Variants in ACSL6 observed in about 807,000 individuals in gnomAD.
The protein encoded by ACSL6 is long-chain-fatty-acid--CoA ligase 6.
In ACSL6, 47 loss-of-function variants were observed where a neutral mutation model predicts 98.2. The ratio of observed to expected loss-of-function variants is 0.48; its 90% confidence interval spans 0.38 to 0.61. The LOEUF is 0.61. Ranked by LOEUF, ACSL6 falls within the 20% of genes least tolerant of loss-of-function variation. The pLI, the probability that ACSL6 is intolerant of heterozygous loss-of-function variation, is 0.00. For missense variants in ACSL6, 761 were observed against 913.4 expected (o/e 0.83, Z 2.15); for synonymous variants, 362 against 336.9 (o/e 1.07, Z -0.82).
At chr5:131,960,386 C>T in intron 19 of ACSL6, 134 bp downstream of exon 19, 1 of 584,430 alleles carries the variant, frequency 1.7e-6, no homozygotes, top group Middle Eastern at 2.8e-4. Context: ...TTTAGAATCC[C>T]CACTATATAT....
intron 13 of ACSL6, among the ~76,000 whole-genome samples, chr5:131,972,448 A>G (rs769104040): frequency 5.9e-5 from 9 of 152,132 alleles, no homozygotes; most frequent in Non-Finnish European, 1.2e-4. Flanking sequence ...TGACCTGACT[A>G]CCCAAGGTCA....
intron 15 of ACSL6, among the ~76,000 whole-genome samples, chr5:131,969,777 G>A (rs187313405): frequency 7.6e-4 from 115 of 152,168 alleles, no homozygotes; most frequent in South Asian, 6.0e-3. Context: ...CAAAGGCAGC[G>A]GCAACCTCAA....
At chr5:132,008,571 T>G (rs1156468310) in intron 1 of ACSL6, among the ~76,000 whole-genome samples, 2 of 152,204 alleles carry the variant, frequency 1.3e-5, no homozygotes, top group Non-Finnish European at 2.9e-5. Context: ...CTCTTCCTCT[T>G]GACTCAGCAG....
At chr5:131,992,000 A>G (rs1307660748) in intron 2 of ACSL6, among the ~76,000 whole-genome samples, 1 of 152,176 alleles carries the variant, frequency 6.6e-6, no homozygotes, top group African/African-American at 2.4e-5. Flanking sequence ...GGCAACAGAT[A>G]TGGTACAAGG....
Position 131,960,581 on chromosome 5 carries a change from A to G in ACSL6, c.1898T>C (p.Met633Thr), listed in dbSNP as rs1402160588. The G allele has an allele frequency of 6.2e-7, 1 of 1,614,062 alleles. No homozygotes were observed. Among genetic ancestry groups the G allele is most frequent in the Non-Finnish European group, 8.5e-7 (1 of 1,180,034 alleles). ...VGIVVPDPEV[M>T]PSWAQKRGIE... Reference sequence around the variant, plus strand: ...TCCTCTCTTCTGGGCCCAGGAGGGCATAACTTCAGGGTCAGGCACAACAAT... The same window carrying G: ...TCCTCTCTTCTGGGCCCAGGAGGGCGTAACTTCAGGGTCAGGCACAACAAT... Residue 633 changes from methionine to threonine, a missense_variant, in exon 19 of 21, where the codon ATG (methionine) becomes ACG (threonine). Coordinates refer to ENST00000651883, the MANE Select transcript of ACSL6 (RefSeq NM_001009185.3).
At chr5:131,984,992 A>G in intron 9 of ACSL6, 1 of 233,360 alleles carries the variant, frequency 4.3e-6, no homozygotes, top group Non-Finnish European at 8.9e-6. Context: ...TGGAGGTAGG[A>G]CTCAAACCAA....
intron 16 of ACSL6, 138 bp from the exon 17 acceptor site, chr5:131,966,670 G>A: frequency 1.3e-6 from 1 of 762,148 alleles, no homozygotes; most frequent in South Asian, 1.5e-5. Context: ...TGGAAACAGA[G>A]GACAAGGAAC....
In ACSL6 at chr5:132,001,564, G is replaced by A. The variant is rs189128710; in HGVS notation, c.50-7313C>T. On this transcript the variant is annotated intron_variant, in intron 1 of 20. Transcript: ENST00000651883. Reference sequence around the variant, plus strand: ...GAGATAGAGGCCCAGGATACGATACGGGGTTGCCAGGTTACATGGTGGCTC... The same window carrying A: ...GAGATAGAGGCCCAGGATACGATACAGGGTTGCCAGGTTACATGGTGGCTC... Among the ~76,000 whole-genome samples, 186 of 152,262 alleles carry A rather than the reference G, an allele frequency of 1.2e-3. 2 individuals carry two copies. The highest frequency in any genetic ancestry group is 4.2e-3 in the African/African-American group (176 of 41,546).
At chr5:131,995,070 G>A (rs1754726342) in intron 1 of ACSL6, among the ~76,000 whole-genome samples, 1 of 152,136 alleles carries the variant, frequency 6.6e-6, no homozygotes, top group Non-Finnish European at 1.5e-5. Flanking sequence ...GCTCCCCGGG[G>A]GACCAACATC....
Position 131,990,799 on chromosome 5 carries a change from C to T in ACSL6, c.385+54G>A, listed in dbSNP as rs553853176. ...ATGCTTGCATACCCACCCTTGCACC[C>T]ACTCCACCCCTGCCACACAGCCCCT... On this transcript the variant is annotated intron_variant, in intron 3 of 20. Coordinates refer to ENST00000651883, the MANE Select transcript of ACSL6 (RefSeq NM_001009185.3). 8.4e-5 allele frequency: 130 copies of T among 1,544,868 alleles called. No homozygotes were observed. The African/African-American group carries it at 1.7e-3, about 20-fold the overall frequency.
chr5:131,967,700 T>TAATA (rs1753092952), intron 16 of ACSL6, among the ~76,000 whole-genome samples: 3 of 105,360 alleles, frequency 2.8e-5, no homozygotes, highest in East Asian at 2.5e-4. Flanking sequence ...TAATAATAAT[T>TAATA]AATTAATTTA....
intron 8 of ACSL6, 107 bp downstream of exon 8, chr5:131,986,715 T>G: frequency 7.2e-7 from 1 of 1,380,926 alleles, no homozygotes; most frequent in South Asian, 1.2e-5. Flanking sequence ...CACACAGGAG[T>G]TGCTTATTAA....
intron 1 of ACSL6, chr5:132,001,935 T>C (rs967466274): frequency 6.6e-6 from 1 of 152,154 alleles, no homozygotes; most frequent in Non-Finnish European, 1.5e-5. Context: ...AGCAAACAGA[T>C]ACACAGTGTC....
chr5:132,009,548 A>G (rs1039956746), intron 1 of ACSL6, among the ~76,000 whole-genome samples: 9 of 152,328 alleles, frequency 5.9e-5, no homozygotes, highest in Non-Finnish European at 8.8e-5. Context: ...GGGTTATTCT[A>G]TCCAATAAGC....
rs1298374038 is a variant in ACSL6, at chr5:131,988,913, A to G, written c.553-9T>C. 12 of 1,609,310 alleles carry G rather than the reference A, an allele frequency of 7.5e-6. No homozygotes were observed. The highest frequency in any genetic ancestry group is 2.2e-5 in the East Asian group (1 of 44,824). On this transcript the variant is annotated splice_polypyrimidine_tract_variant and intron_variant, in intron 5 of 20. Coordinates refer to ENST00000651883, the MANE Select transcript of ACSL6 (RefSeq NM_001009185.3). ...AGCTCCACAATGATCCACTGTGGAG[A>G]CACATGAGGCGGGGGTGGGGAAGAA... is the stretch of plus-strand genomic sequence containing the variant.
intron 20 of ACSL6, 89 bp from the exon 21 acceptor site, chr5:131,954,460 G>A (rs1752294775): frequency 8.5e-6 from 11 of 1,294,210 alleles, no homozygotes; most frequent in East Asian, 2.6e-5. Flanking sequence ...GCACATGAGA[G>A]TAGATATATT....
intron 7 of ACSL6, 127 bp from the exon 8 acceptor site, chr5:131,986,981 TCACACACACACA>T (rs58544750): frequency 6.8e-5 from 6 of 87,728 alleles, no homozygotes; most frequent in African/African-American, 1.5e-4. Context: ...ACCCACACAC[TCACACACACACA>T]CACACACCAC....
chr5:131,971,655 G>A lies in ACSL6; in HGVS notation c.1339-10C>T, dbSNP rs763016720. ...ACCCACCAAGACTGGCCTGTGGGAAGAAAGAAGAGCTGCCAAATTTTGTGA... is the reference window on the plus strand; with the variant it reads ...ACCCACCAAGACTGGCCTGTGGGAAAAAAGAAGAGCTGCCAAATTTTGTGA... On this transcript the variant is annotated splice_polypyrimidine_tract_variant and intron_variant, in intron 13 of 20. Coordinates refer to ENST00000651883, the MANE Select transcript of ACSL6 (RefSeq NM_001009185.3). 25 of 1,594,194 alleles carry A rather than the reference G, an allele frequency of 1.6e-5. 1 individual carries two copies. In the South Asian group the frequency reaches 2.7e-4, roughly 17 times the overall value.
At chr5:131,972,262 A>T (rs1753351450) in intron 13 of ACSL6, among the ~76,000 whole-genome samples, 1 of 152,238 alleles carries the variant, frequency 6.6e-6, no homozygotes, top group African/African-American at 2.4e-5. Context: ...GGAGGTACAG[A>T]AATGAGTAAT....
Sources: allele counts gnomAD v4.1 joint callset (sites outside exome capture counted in the v4.1 genomes callset), GRCh38; gene constraint gnomAD v4.1.1; transcripts MANE v1.5; gene names NCBI Gene and HGNC (gene_info 2026-07-23, HGNC 2026-07-21).